Variants in PLCH1 observed in about 807,000 individuals in gnomAD.
The protein encoded by PLCH1 is 1-phosphatidylinositol 4,5-bisphosphate phosphodiesterase eta-1.
A neutral mutation model predicts 126.7 loss-of-function variants in PLCH1; 60 were observed. The ratio of observed to expected loss-of-function variants is 0.47; its 90% CI spans 0.38 to 0.59. PLCH1 has a LOEUF of 0.59. PLCH1 is among the 20% of genes least tolerant of loss of function. The pLI is 0.00. For synonymous variants in PLCH1, 719 were observed against 734.9 expected, an observed-to-expected ratio of 0.98 and a Z score of 0.35; for missense variants, 1,723 against 2,040.0, an observed-to-expected ratio of 0.84 and a Z score of 2.99.
rs182965491 is a variant in PLCH1 at position 155,689,639 on chromosome 3, G to A, written c.79+14507C>T. ...TCTAGAGTTGAAAAATACAGTTGAC[G>A]TGATGAAGAATCTTTTAATAGCAGA... On this transcript the variant is annotated intron_variant, in intron 2 of 22. Coordinates refer to ENST00000460012, the MANE Select transcript of PLCH1 (RefSeq NM_014996.4). Among the ~76,000 whole-genome samples the A allele has an allele frequency of 6.3e-4, 96 of 151,956 alleles. 2 individuals are homozygous for A. The highest frequency in any genetic ancestry group is 5.2e-3 in the Admixed American group (80 of 15,252).
intron 7 of PLCH1, among the ~76,000 whole-genome samples, chr3:155,567,879 G>A (rs1728720056): frequency 6.6e-6 from 1 of 152,048 alleles, no homozygotes; most frequent in Admixed American, 6.6e-5. Context: ...CTAGTCTCAG[G>A]GATAACTTAT....
chr3:155,600,152 C>A (rs559123479), intron 2 of PLCH1, among the ~76,000 whole-genome samples: 2 of 152,248 alleles, frequency 1.3e-5, no homozygotes, highest in East Asian at 3.9e-4. Context: ...AGATAGTTGA[C>A]AATGCCTTGT....
chr3:155,557,486 A>G (rs1429851598), intron 8 of PLCH1, among the ~76,000 whole-genome samples: 4 of 152,220 alleles, frequency 2.6e-5, no homozygotes, highest in East Asian at 1.9e-4. Context: ...CAGAATATTC[A>G]TAACTGAGGA....
At chr3:155,596,418 G>C (rs1443154619) in intron 2 of PLCH1, 40 bp from the exon 3 acceptor site, 1 of 1,568,012 alleles carries the variant, frequency 6.4e-7, no homozygotes, top group African/African-American at 1.4e-5. Context: ...ATCACACAAT[G>C]CACAGGCATA....
intron 2 of PLCH1, among the ~76,000 whole-genome samples, chr3:155,634,315 CTG>C (rs1291578061): frequency 1.3e-5 from 2 of 152,226 alleles, no homozygotes; most frequent in Admixed American, 1.3e-4. Flanking sequence ...AAGGTTCAGA[CTG>C]TGCTTAACTG....
intron 2 of PLCH1, among the ~76,000 whole-genome samples, chr3:155,678,683 C>T (rs1744282910): frequency 6.6e-6 from 1 of 152,176 alleles, no homozygotes; most frequent in Non-Finnish European, 1.5e-5. Flanking sequence ...GACAATGGTG[C>T]TTCCTCTGAT....
chr3:155,502,737 T>A (rs1718088561), intron 13 of PLCH1, among the ~76,000 whole-genome samples: 1 of 152,218 alleles, frequency 6.6e-6, no homozygotes, highest in African/African-American at 2.4e-5. Context: ...TTTCATTTAA[T>A]GTTTCACAGG....
intron 2 of PLCH1, among the ~76,000 whole-genome samples, chr3:155,601,013 A>G (rs539591038): frequency 1.3e-5 from 2 of 152,156 alleles, no homozygotes; most frequent in South Asian, 2.1e-4. Flanking sequence ...CTCGCTCTGT[A>G]GCCCAGGCTG....
intron 9 of PLCH1, among the ~76,000 whole-genome samples, chr3:155,550,678 C>T (rs769350069): frequency 6.6e-6 from 1 of 152,132 alleles, no homozygotes; most frequent in Non-Finnish European, 1.5e-5. Flanking sequence ...CCTCTCTCAA[C>T]CTTATTTTTT....
At chr3:155,633,608 AAAGAT>A (rs1162147727) in intron 2 of PLCH1, among the ~76,000 whole-genome samples, 15 of 152,212 alleles carry the variant, frequency 9.9e-5, no homozygotes, top group African/African-American at 3.6e-4. Context: ...GAATAAATCA[AAAGAT>A]AAATTATAGC....
chr3:155,529,197 T>C (rs1292590317), intron 10 of PLCH1, among the ~76,000 whole-genome samples: 1 of 152,208 alleles, frequency 6.6e-6, no homozygotes, highest in African/African-American at 2.4e-5. Context: ...TAGAATTAAT[T>C]TGTCTATGGT....
intron 12 of PLCH1, among the ~76,000 whole-genome samples, chr3:155,509,061 C>T (rs1323724364): frequency 2.2e-5 from 3 of 139,036 alleles, no homozygotes; most frequent in Non-Finnish European, 4.6e-5. Context: ...AGAGATTCAA[C>T]TTCTTCCTGT....
chr3:155,737,760 G>A (rs979988841), intron 1 of PLCH1, among the ~76,000 whole-genome samples: 25 of 152,092 alleles, frequency 1.6e-4, no homozygotes, highest in Middle Eastern at 3.2e-3. Context: ...CTGAATTTCT[G>A]GTCCAGGATT....
chr3:155,570,674 T>A (rs1269313419), intron 6 of PLCH1, among the ~76,000 whole-genome samples: 1 of 152,210 alleles, frequency 6.6e-6, no homozygotes, highest in Non-Finnish European at 1.5e-5. Flanking sequence ...AGAGGTTAAT[T>A]AAACATCACC....
chr3:155,551,684 C>CAAAAA (rs35872401), intron 9 of PLCH1, among the ~76,000 whole-genome samples: 2 of 87,002 alleles, frequency 2.3e-5, no homozygotes, highest in African/African-American at 3.8e-5. Context: ...AGCTCTCTAC[C>CAAAAA]AAAAAAAAAA....
At chr3:155,672,848 A>G (rs1292451465) in intron 2 of PLCH1, among the ~76,000 whole-genome samples, 1 of 152,146 alleles carries the variant, frequency 6.6e-6, no homozygotes, top group Non-Finnish European at 1.5e-5. Context: ...TGAGAGCCTA[A>G]TGTTTTCTTA....
intron 3 of PLCH1, among the ~76,000 whole-genome samples, chr3:155,594,998 G>A (rs902710466): frequency 6.6e-6 from 1 of 152,234 alleles, no homozygotes; most frequent in Non-Finnish European, 1.5e-5. Flanking sequence ...ATAGGGCTAA[G>A]GTGGTGAAGG....
chr3:155,487,501 T>C (rs899407758), intron 21 of PLCH1, among the ~76,000 whole-genome samples: 1 of 152,244 alleles, frequency 6.6e-6, no homozygotes. Flanking sequence ...AGAACTAGAA[T>C]GCATTTACAT....
At chr3:155,520,224 C>T (rs996867290) in intron 11 of PLCH1, among the ~76,000 whole-genome samples, 1 of 152,188 alleles carries the variant, frequency 6.6e-6, no homozygotes, top group Non-Finnish European at 1.5e-5. Flanking sequence ...CAAGAGGTAA[C>T]TCATGCTGTC....
Sources: gnomAD v4.1 joint callset for allele counts (sites outside exome capture counted in the v4.1 genomes callset) on GRCh38, gnomAD v4.1.1 for gene constraint, MANE v1.5 for transcripts, NCBI Gene and HGNC (gene_info 2026-07-23, HGNC 2026-07-21) for gene names.